Variants in AKAP8L observed in about 807,000 individuals in gnomAD.
AKAP8L encodes the protein A-kinase anchor protein 8-like.
AKAP8L carries 34 observed loss-of-function variants against 77.5 expected under a neutral mutation model. The ratio of observed to expected loss-of-function variants is 0.44; its 90% CI spans 0.33 to 0.58. The LOEUF (loss-of-function observed/expected upper bound fraction) is 0.58. Ranked by LOEUF, AKAP8L falls within the 20% of genes least tolerant of loss-of-function variation. The pLI is 0.02. For missense variants in AKAP8L, 806 were observed against 887.6 expected (o/e 0.91, Z 1.17); for synonymous variants, 342 against 340.7 (o/e 1.00, Z -0.04).
At chr19:15,402,256 G>A (rs1967915567) in intron 4 of AKAP8L, among the ~76,000 whole-genome samples, 1 of 152,138 alleles carries the variant, frequency 6.6e-6, no homozygotes, top group Non-Finnish European at 1.5e-5. Context: ...TTGCAACTGG[G>A]AAGGCAGGCC....
At chr19:15,393,728 C>A (rs1967711542) in intron 12 of AKAP8L, among the ~76,000 whole-genome samples, 1 of 152,052 alleles carries the variant, frequency 6.6e-6, no homozygotes. Flanking sequence ...CGCGATCAGA[C>A]TGACCAACAT....
intron 12 of AKAP8L, among the ~76,000 whole-genome samples, chr19:15,381,522 A>G (rs1206686864): frequency 6.6e-6 from 1 of 152,010 alleles, no homozygotes; most frequent in African/African-American, 2.4e-5. Context: ...AAAGAAGGAT[A>G]TTTTTGGTGG....
At position 15,401,348 on chromosome 19, in the gene AKAP8L, C is replaced by G; in HGVS notation, c.618G>C (p.Gly206=). ...CACCAGACATGCACTGGCCCCGGGC[C>G]CCCATGGGGTCTTCCCACATGCGCC... The part of the protein sequence containing the change: ...GYGRMWEDPM[G]ARGQCMSGAS... The change falls in exon 5 of 14, where the codon GGG becomes GGC. Residue 206 remains glycine (G), a synonymous_variant. Coordinates refer to ENST00000397410, the MANE Select transcript of AKAP8L (RefSeq NM_014371.4). The surrounding 1 kb of genome is among the most constrained non-coding windows in gnomAD (Gnocchi z 6.2). 3.1e-6 allele frequency: 5 copies of G among 1,613,360 alleles called. No homozygotes were observed. Among genetic ancestry groups the G allele is most frequent in the Non-Finnish European group, 4.2e-6 (5 of 1,179,852 alleles).
rs1360693435 is a variant in AKAP8L at position 15,397,892 on chromosome 19, G to C, written c.1158-37C>G. 2 of 1,605,310 alleles carry C rather than the reference G, an allele frequency of 1.2e-6. No individual in the cohort carries two copies. The highest frequency in any genetic ancestry group is 1.7e-6 in the Non-Finnish European group (2 of 1,176,122). On this transcript the variant is annotated intron_variant, in intron 9 of 13. Transcript: ENST00000397410. This position sits in a 1 kb window ranked among gnomAD's most constrained non-coding sequence, Gnocchi z 4.7. ...AGGAAACGAGGGGCTGAGGCTGCAA[G>C]TGTCCCAGGGGATAGTGCTGCCGCC...
chr19:15,391,375 G>A (rs1311193717), intron 12 of AKAP8L, among the ~76,000 whole-genome samples: 27 of 134,060 alleles, frequency 2.0e-4, no homozygotes, highest in Non-Finnish European at 3.9e-4. Context: ...GGAGAATGGC[G>A]TGAACCTGGG....
rs749704170 is a variant in AKAP8L, at chr19:15,400,853, C to T, written c.925G>A (p.Glu309Lys). The change falls in exon 7 of 14, where the codon GAG becomes AAG. Residue 309 changes from glutamate (E) to lysine (K), a missense_variant. Around this residue, in one of 2 missense-constraint regions of AKAP8L, gnomAD observed 580 missense variants for 694.1 expected, o/e 0.84. Coordinates refer to ENST00000397410, the MANE Select transcript of AKAP8L (RefSeq NM_014371.4). Reference sequence around the variant, plus strand: ...TCAAGGCCCTCTGTGGCTTCCCCCTCGGTGCCCTCATCTGAAAGGGAAAAG... The same window carrying T: ...TCAAGGCCCTCTGTGGCTTCCCCCTTGGTGCCCTCATCTGAAAGGGAAAAG... ...NSDSDNDEGTEGEATEGLEGT... is the reference protein window; with the variant it reads ...NSDSDNDEGTKGEATEGLEGT... 8 of 1,613,896 alleles carry T rather than the reference C, an allele frequency of 5.0e-6. No individual in the cohort carries two copies. Among genetic ancestry groups the T allele is most frequent in the East Asian group, 4.5e-5 (2 of 44,902 alleles).
rs1967821830 is a variant in AKAP8L, at chr19:15,398,417, T to C, written c.1158-562A>G. The C allele has an allele frequency of 4.3e-6, 1 of 230,894 alleles. No homozygotes were observed. The highest frequency in any genetic ancestry group is 2.3e-5 in the African/African-American group (1 of 42,846). 14.3% of individuals were successfully genotyped at this position (230,894 alleles called of 1,614,324 possible). ...GCAGGCCTGGGCACCTGCTGCCTCA[T>C]CTTCCTCTTCCAAGAAGAGACCAGT... On this transcript the variant is annotated intron_variant, in intron 9 of 13. Coordinates refer to ENST00000397410, the MANE Select transcript of AKAP8L (RefSeq NM_014371.4). The surrounding 1 kb of genome is among the most constrained non-coding windows in gnomAD (Gnocchi z 9.2).
In AKAP8L at chr19:15,398,012, G is replaced by A. The variant is rs981556319; in HGVS notation, c.1158-157C>T. The A allele has an allele frequency of 6.6e-6, 6 of 906,340 alleles. No homozygotes were observed. Among genetic ancestry groups the A allele is most frequent in the South Asian group, 1.7e-5 (1 of 57,778 alleles). 56.1% of individuals were successfully genotyped at this position (906,340 alleles called of 1,614,324 possible). On this transcript the variant is annotated intron_variant, in intron 9 of 13. Transcript: ENST00000397410. The surrounding 1 kb of genome is among the most constrained non-coding windows in gnomAD (Gnocchi z 9.2). ...GGGACAGGCTGGGACCAGTGGGGTC[G>A]GGAGTAGAAAGGGCCAGAAAGTCTG... is the stretch of plus-strand genomic sequence containing the variant.
In AKAP8L at chr19:15,401,644, G is replaced by T. The variant is rs781756524; in HGVS notation, c.363-41C>A. On this transcript the variant is annotated intron_variant, in intron 4 of 13. Coordinates refer to ENST00000397410, the MANE Select transcript of AKAP8L (RefSeq NM_014371.4). This position sits in a 1 kb window ranked among gnomAD's most constrained non-coding sequence, Gnocchi z 6.2. The stretch of plus-strand genomic sequence containing the variant: ...GTGAGCATCAGGTGGAGCCCCTCAG[G>T]ATCCCTCACCTCCAGGCAACTGCTC... 69 of 1,478,600 alleles carry T rather than the reference G, an allele frequency of 4.7e-5. No individual in the cohort carries two copies. Among genetic ancestry groups the T allele is most frequent in the Non-Finnish European group, 5.6e-5 (62 of 1,101,748 alleles). 91.6% of individuals were successfully genotyped at this position (1,478,600 alleles called of 1,614,324 possible).
chr19:15,387,089 G>A (rs1434222126), intron 12 of AKAP8L, among the ~76,000 whole-genome samples: 1 of 152,180 alleles, frequency 6.6e-6, no homozygotes, highest in East Asian at 1.9e-4. Context: ...GCTTGACCCT[G>A]GGCATGGCAC....
At chr19:15,406,653 G>C (rs1371465569) in intron 2 of AKAP8L, among the ~76,000 whole-genome samples, 1 of 151,840 alleles carries the variant, frequency 6.6e-6, no homozygotes, top group African/African-American at 2.4e-5. Flanking sequence ...TTTTTGTAGA[G>C]ATAGGGTTTT....
At chr19:15,405,543 T>C (rs1599613330) in intron 2 of AKAP8L, among the ~76,000 whole-genome samples, 1 of 148,930 alleles carries the variant, frequency 6.7e-6, no homozygotes, top group Non-Finnish European at 1.5e-5. Context: ...AAAAAAAAAA[T>C]AGAACAACAC....
At chr19:15,418,621 G>A (rs1453816577) in intron 1 of AKAP8L, among the ~76,000 whole-genome samples, 1 of 152,218 alleles carries the variant, frequency 6.6e-6, no homozygotes, top group Admixed American at 6.5e-5. Context: ...CAGGGACGGA[G>A]GTGGTGGGGG....
chr19:15,395,050 G>C (rs1332931021), intron 12 of AKAP8L, among the ~76,000 whole-genome samples: 3 of 147,100 alleles, frequency 2.0e-5, no homozygotes, highest in Non-Finnish European at 4.5e-5. Flanking sequence ...TTTTTTTTGA[G>C]ACAGAGTCTC....
In AKAP8L at chr19:15,380,151, C is replaced by T. The variant is rs1458940959; in HGVS notation, c.1912G>A (p.Asp638Asn). The T allele has an allele frequency of 2.0e-6, 3 of 1,502,154 alleles. No homozygotes were observed. The Admixed American group carries it at 6.4e-5, about 32-fold the overall frequency. The allele number at this position is 1,502,154 out of a possible 1,614,324, so 93.1% of individuals were successfully genotyped here. ...GGGGCGCCCCCGCCGCCCTCCTCGT[C>T]GTCCTCCACGTCGAGGCCCGGGATG... ...RGIPGLDVEDDEEGGGGAP is the reference protein window; with the variant it reads ...RGIPGLDVEDNEEGGGGAP The change falls in exon 14 of 14, where the codon GAC (aspartate) becomes AAC (asparagine). Residue 638 changes from aspartate (D) to asparagine (N), a missense_variant. Physicochemically the swap from Asp to Asn is conservative, Grantham distance 23. Coordinates refer to ENST00000397410, the MANE Select transcript of AKAP8L (RefSeq NM_014371.4).
At chr19:15,395,932 C>T (rs1169155070) in intron 12 of AKAP8L, among the ~76,000 whole-genome samples, 4 of 130,612 alleles carry the variant, frequency 3.1e-5, no homozygotes, top group Non-Finnish European at 4.7e-5. Context: ...TGCAGTGAGC[C>T]GAGATCGCGC....
chr19:15,400,826 C>T lies in AKAP8L; in HGVS notation c.952G>A (p.Gly318Ser), dbSNP rs1967878746. ...GAGCCCTTCTCCACAGCCTCGGTGC[C>T]TTCAAGGCCCTCTGTGGCTTCCCCC... is the stretch of plus-strand genomic sequence containing the variant. ...TEGEATEGLE[G>S]TEAVEKGSRV... Residue 318 changes from glycine (G) to serine (S), a missense_variant, in exon 7 of 14, where the codon GGC becomes AGC. Transcript: ENST00000397410. The T allele has an allele frequency of 1.9e-6, 3 of 1,614,010 alleles. No individual in the cohort carries two copies. The highest frequency in any genetic ancestry group is 4.5e-5 in the East Asian group (2 of 44,880).
At chr19:15,392,158 T>G (rs573545849) in intron 12 of AKAP8L, among the ~76,000 whole-genome samples, 1 of 152,246 alleles carries the variant, frequency 6.6e-6, no homozygotes, top group Admixed American at 6.5e-5. Context: ...ATTAAAATTA[T>G]GAAATATTAA....
At chr19:15,388,190 G>A (rs1967580749) in intron 12 of AKAP8L, among the ~76,000 whole-genome samples, 1 of 125,476 alleles carries the variant, frequency 8.0e-6, no homozygotes, top group Non-Finnish European at 1.6e-5. Flanking sequence ...GAATGAAAGA[G>A]ACCTAACTAA....
Sources: allele counts gnomAD v4.1 joint callset (sites outside exome capture counted in the v4.1 genomes callset), GRCh38; gene constraint gnomAD v4.1.1; regional missense constraint gnomAD v4.1.1; non-coding constraint Gnocchi (gnomAD v3.1); transcripts MANE v1.5; gene names NCBI Gene and HGNC (gene_info 2026-07-23, HGNC 2026-07-21).